CDC42SE2: variants seen among roughly 807,000 people sequenced by gnomAD.
CDC42SE2 encodes CDC42 small effector 2, also known as CDC42 small effector protein 2.
Under a neutral mutation model 11.5 loss-of-function variants are expected in CDC42SE2, and 3 were observed. The observed-to-expected ratio is 0.26, with a 90% CI of 0.12 to 0.67. The LOEUF (loss-of-function observed/expected upper bound fraction) is 0.67. Among genes scored for constraint, CDC42SE2 ranks in the 30% least tolerant of loss-of-function variants. CDC42SE2 has a pLI of 0.80. For synonymous variants in CDC42SE2, 33 were observed against 34.8 expected (o/e 0.95, Z 0.18); for missense variants, 82 against 106.8 (o/e 0.77, Z 1.02).
chr5:131,244,439 A>G (rs565582834), upstream of CDC42SE2, among the ~76,000 whole-genome samples: 21 of 152,218 alleles, frequency 1.4e-4, no homozygotes, highest in Non-Finnish European at 2.6e-4. Flanking sequence ...GGCCGGGCAC[A>G]GTGGCTCACA....
the CDC42SE2 span, among the ~76,000 whole-genome samples, chr5:131,239,596 G>A: frequency 6.6e-6 from 1 of 151,990 alleles, no homozygotes; most frequent in African/African-American, 2.4e-5. Context: ...TGTGAACCTA[G>A]CTTCAGTGTA....
intron 3 of CDC42SE2, among the ~76,000 whole-genome samples, chr5:131,371,006 A>T (rs1169202922): frequency 1.3e-5 from 2 of 152,204 alleles, no homozygotes; most frequent in Non-Finnish European, 2.9e-5. Context: ...GTAGGGTGAG[A>T]CTAGGTAGTG....
chr5:131,227,622 C>G, the CDC42SE2 span, among the ~76,000 whole-genome samples: 2 of 152,306 alleles, frequency 1.3e-5, no homozygotes, highest in Admixed American at 6.5e-5. Context: ...CCTTTGGCAA[C>G]ATTTCTTACC....
chr5:131,348,602 A>G (rs1038464740), intron 2 of CDC42SE2, among the ~76,000 whole-genome samples: 1 of 152,190 alleles, frequency 6.6e-6, no homozygotes, highest in Non-Finnish European at 1.5e-5. Flanking sequence ...ATCCCCATCA[A>G]TCTACCAATG....
chr5:131,320,237 A>G (rs1758158004), intron 2 of CDC42SE2, among the ~76,000 whole-genome samples: 1 of 149,968 alleles, frequency 6.7e-6, no homozygotes, highest in East Asian at 2.0e-4. Flanking sequence ...ATAGAAAAAA[A>G]AAAATTAAGT....
intron 2 of CDC42SE2, among the ~76,000 whole-genome samples, chr5:131,355,468 ACT>A (rs1242776977): frequency 6.6e-6 from 1 of 151,784 alleles, no homozygotes; most frequent in Non-Finnish European, 1.5e-5. Flanking sequence ...CAGAGCTGAA[ACT>A]CTGTCTCAAA....
At chr5:131,270,636 T>A (rs1756974522) in intron 1 of CDC42SE2, among the ~76,000 whole-genome samples, 1 of 152,248 alleles carries the variant, frequency 6.6e-6, no homozygotes, top group African/African-American at 2.4e-5. Context: ...ACTAAGTCTT[T>A]CTCTGCTTCT....
chr5:131,285,351 T>G (rs1757319266), intron 1 of CDC42SE2, among the ~76,000 whole-genome samples: 1 of 152,138 alleles, frequency 6.6e-6, no homozygotes, highest in Non-Finnish European at 1.5e-5. Flanking sequence ...CTGATATAAA[T>G]TTATTCAGCC....
chr5:131,359,645 C>G, intron 3 of CDC42SE2, 98 bp downstream of exon 3: 1 of 859,580 alleles, frequency 1.2e-6, no homozygotes. Context: ...AATTGCAAAG[C>G]AGTTGTAGAG....
At chr5:131,289,998 A>G (rs1356493538) in intron 1 of CDC42SE2, among the ~76,000 whole-genome samples, 2 of 152,068 alleles carry the variant, frequency 1.3e-5, no homozygotes, top group Admixed American at 1.3e-4. Context: ...GCGTGCCACC[A>G]TTCTTGGCTA....
chr5:131,338,120 A>T (rs1478883435), intron 2 of CDC42SE2, among the ~76,000 whole-genome samples: 1 of 152,172 alleles, frequency 6.6e-6, no homozygotes, highest in African/African-American at 2.4e-5. Flanking sequence ...AACATTTTTT[A>T]AAAAGTTATT....
chr5:131,246,849 T>C (rs1423749517), intron 1 of CDC42SE2, among the ~76,000 whole-genome samples: 1 of 149,908 alleles, frequency 6.7e-6, no homozygotes, highest in Non-Finnish European at 1.5e-5. Flanking sequence ...GTTCAAGAGA[T>C]TCTCCTACCT....
chr5:131,284,011 ACT>A (rs1580730646), intron 1 of CDC42SE2, among the ~76,000 whole-genome samples: 2 of 152,170 alleles, frequency 1.3e-5, no homozygotes, highest in East Asian at 3.9e-4. Context: ...TTGTATGGTA[ACT>A]CTGTGTTTAA....
At chr5:131,255,649 ACTCGGGAGG>A (rs1756673817) in intron 2 of CDC42SE2, 1 of 152,200 alleles carries the variant, frequency 6.6e-6, no homozygotes. Flanking sequence ...AATCCCAGCT[ACTCGGGAGG>A]CTGAGGCAAG....
At chr5:131,310,822 T>G (rs1757890549) in intron 1 of CDC42SE2, among the ~76,000 whole-genome samples, 1 of 152,066 alleles carries the variant, frequency 6.6e-6, no homozygotes, top group South Asian at 2.1e-4. Context: ...CCTTTTATTT[T>G]GAGCGTATGT....
the CDC42SE2 span, among the ~76,000 whole-genome samples, chr5:131,237,926 G>A: frequency 6.6e-6 from 1 of 152,076 alleles, no homozygotes; most frequent in Admixed American, 6.6e-5. Context: ...TCTATTCTCA[G>A]TGTGTTCCTC....
At chr5:131,288,145 G>A (rs1178488314) in intron 1 of CDC42SE2, among the ~76,000 whole-genome samples, 1 of 151,624 alleles carries the variant, frequency 6.6e-6, no homozygotes, top group Non-Finnish European at 1.5e-5. Context: ...GATTGCTTAA[G>A]CCCCGGAGGT....
the CDC42SE2 span, among the ~76,000 whole-genome samples, chr5:131,223,526 A>G: frequency 6.6e-6 from 1 of 152,198 alleles, no homozygotes; most frequent in Non-Finnish European, 1.5e-5. Flanking sequence ...TTGTTACCAT[A>G]TATGAACTAT....
intron 1 of CDC42SE2, among the ~76,000 whole-genome samples, chr5:131,311,898 A>G (rs372399269): frequency 6.6e-6 from 1 of 152,092 alleles, no homozygotes; most frequent in Non-Finnish European, 1.5e-5. Context: ...AATGTCCTCC[A>G]GTAGCTCAGA....
Sources: gnomAD v4.1 joint callset for allele counts (sites outside exome capture counted in the v4.1 genomes callset) on GRCh38, gnomAD v4.1.1 for gene constraint, MANE v1.5 for transcripts, NCBI Gene and HGNC (gene_info 2026-07-23, HGNC 2026-07-21) for gene names.